SMIM36: variants seen among roughly 807,000 people sequenced by gnomAD.
SMIM36 encodes the protein small integral membrane protein 36.
chr17:55,495,850 A>C (rs1338749441), intron 1 of SMIM36, among the ~76,000 whole-genome samples: 1 of 152,158 alleles, frequency 6.6e-6, no homozygotes, highest in Non-Finnish European at 1.5e-5. Context: ...AATGAATATA[A>C]AGTCTAAGAG....
At chr17:55,471,233 G>T (rs934235536) in intron 3 of SMIM36, among the ~76,000 whole-genome samples, 1 of 152,048 alleles carries the variant, frequency 6.6e-6, no homozygotes, top group Non-Finnish European at 1.5e-5. Context: ...ACACTACTTT[G>T]GCCAGGCCCT....
intron 4 of SMIM36, among the ~76,000 whole-genome samples, chr17:55,450,885 T>C (rs958328579): frequency 8.5e-5 from 13 of 152,192 alleles, no homozygotes; most frequent in Non-Finnish European, 1.8e-4. Flanking sequence ...TAAAGATCCA[T>C]AGTGGCTTCT....
chr17:55,529,014 A>G, the SMIM36 span, among the ~76,000 whole-genome samples: 1 of 152,222 alleles, frequency 6.6e-6, no homozygotes, highest in African/African-American at 2.4e-5. Context: ...CCTGTGTGAC[A>G]TTGGATAAGT....
the SMIM36 span, among the ~76,000 whole-genome samples, chr17:55,516,972 A>G: frequency 6.6e-6 from 1 of 152,142 alleles, no homozygotes; most frequent in Non-Finnish European, 1.5e-5. Context: ...TCCCTATACC[A>G]TCTTTTAGAA....
intron 1 of SMIM36, among the ~76,000 whole-genome samples, chr17:55,488,315 T>C (rs963300782): frequency 6.6e-6 from 1 of 152,228 alleles, no homozygotes; most frequent in Non-Finnish European, 1.5e-5. Flanking sequence ...GCGTGGAGGC[T>C]GCATTACGAA....
chr17:55,523,357 C>T, the SMIM36 span, among the ~76,000 whole-genome samples: 6 of 152,030 alleles, frequency 3.9e-5, no homozygotes, highest in Admixed American at 2.0e-4. Context: ...TGGTGAAACC[C>T]TGTCTCTACT....
intron 1 of SMIM36, among the ~76,000 whole-genome samples, chr17:55,499,051 G>A (rs945265693): frequency 1.6e-4 from 23 of 145,592 alleles, no homozygotes; most frequent in African/African-American, 5.3e-4. Flanking sequence ...ACACAAAATA[G>A]TAAACAGCAG....
At chr17:55,530,188 G>A in the SMIM36 span, among the ~76,000 whole-genome samples, 1 of 152,212 alleles carries the variant, frequency 6.6e-6, no homozygotes, top group Non-Finnish European at 1.5e-5. Flanking sequence ...TGGATTGTAT[G>A]TAGCCAGGAT....
intron 3 of SMIM36, chr17:55,468,379 C>A (rs1909280756): frequency 6.6e-6 from 1 of 152,664 alleles, no homozygotes; most frequent in Admixed American, 6.5e-5. Context: ...ACTGTCCTTC[C>A]AATTCCAGTT....
chr17:55,457,589 C>T (rs1017354890), intron 4 of SMIM36, among the ~76,000 whole-genome samples: 5 of 151,382 alleles, frequency 3.3e-5, no homozygotes, highest in African/African-American at 4.9e-5. Context: ...TGCAATGGTG[C>T]GATCTTGGCT....
At chr17:55,527,701 A>ATG in the SMIM36 span, 2 of 152,186 alleles carry the variant, frequency 1.3e-5, no homozygotes, top group Admixed American at 1.3e-4. Flanking sequence ...GAAACACTGC[A>ATG]TGTGCACGCT....
chr17:55,481,286 A>G (rs1057114118), intron 1 of SMIM36, among the ~76,000 whole-genome samples: 5 of 152,214 alleles, frequency 3.3e-5, no homozygotes, highest in African/African-American at 1.2e-4. Context: ...CCAAGCTTCA[A>G]GTAGAATAGG....
intron 4 of SMIM36, among the ~76,000 whole-genome samples, chr17:55,463,020 A>G (rs750645138): frequency 2.2e-4 from 33 of 152,184 alleles, no homozygotes; most frequent in Admixed American, 4.6e-4. Context: ...TTGGCCTCTG[A>G]GTCAGAAGGA....
rs1016511071 is a variant in SMIM36 at position 55,510,871 on chromosome 17, C to G, written c.*174+8G>C. On this transcript the variant is annotated splice_region_variant and intron_variant, in intron 1 of 4. Coordinates refer to ENST00000636752, the Ensembl canonical transcript of SMIM36. ...GAATTTGACTAAAGACCACTTTGGGCTTCTTACCTTAAACAGTTACTTTTG... is the reference window on the plus strand; with the variant it reads ...GAATTTGACTAAAGACCACTTTGGGGTTCTTACCTTAAACAGTTACTTTTG... 2.7e-6 allele frequency: 1 copy of G among 374,886 alleles called. No individual in the cohort carries two copies. The allele number at this position is 374,886 out of a possible 1,614,324, so 23.2% of individuals were successfully genotyped here.
intron 1 of SMIM36, among the ~76,000 whole-genome samples, chr17:55,507,739 A>G (rs866019028): frequency 6.6e-6 from 1 of 151,908 alleles, no homozygotes; most frequent in South Asian, 2.1e-4. Flanking sequence ...AAAAAAAAAA[A>G]AAGAAAAAAA....
chr17:55,501,262 T>A (rs192626562), intron 1 of SMIM36, among the ~76,000 whole-genome samples: 14 of 54,402 alleles, frequency 2.6e-4, no homozygotes, highest in Admixed American at 6.6e-4. Flanking sequence ...ATTTTATATT[T>A]TATAATATAT....
chr17:55,512,739 C>T (rs574757841), upstream of SMIM36, among the ~76,000 whole-genome samples: 11 of 152,356 alleles, frequency 7.2e-5, no homozygotes, highest in Non-Finnish European at 1.0e-4. Flanking sequence ...CCACAAATTA[C>T]GTATCTGGTC....
the SMIM36 span, among the ~76,000 whole-genome samples, chr17:55,517,083 T>C: frequency 1.3e-5 from 2 of 152,130 alleles, no homozygotes; most frequent in African/African-American, 4.8e-5. Flanking sequence ...CCTGGAGAAG[T>C]CTCATGCCCT....
chr17:55,526,212 C>T, the SMIM36 span, among the ~76,000 whole-genome samples: 10 of 152,220 alleles, frequency 6.6e-5, no homozygotes, highest in South Asian at 2.1e-4. Context: ...GGTGCGATCT[C>T]GGCTCACTGC....
Sources: gnomAD v4.1 joint callset for allele counts (sites outside exome capture counted in the v4.1 genomes callset) on GRCh38, gnomAD v4.1.1 for gene constraint, MANE v1.5 for transcripts, NCBI Gene and HGNC (gene_info 2026-07-23, HGNC 2026-07-21) for gene names.